Variants in ZAN observed in about 807,000 individuals in gnomAD.
ZAN encodes the protein zonadhesin (gene/pseudogene).
Under a neutral mutation model 286.2 loss-of-function variants are expected in ZAN, and 260 were observed. That is an observed-to-expected ratio of 0.91 (90% CI 0.82 to 1.01). The LOEUF (loss-of-function observed/expected upper bound fraction) is 1.01, where lower values mean the gene tolerates loss of function less well. Ranked by LOEUF, ZAN falls within the 50% of genes least tolerant of loss-of-function variation. The pLI is 0.00. For synonymous variants in ZAN, 1,368 were observed against 1,417.5 expected (o/e 0.97, Z 0.79); for missense variants, 3,410 against 3,639.2 (o/e 0.94, Z 1.62).
At chr7:100,765,123 G>C (rs901340245) in intron 22 of ZAN, among the ~76,000 whole-genome samples, 1 of 152,196 alleles carries the variant, frequency 6.6e-6, no homozygotes, top group African/African-American at 2.4e-5. Flanking sequence ...GGGTCCATCT[G>C]CTCCCACCAT....
Position 100,790,125 on chromosome 7 carries a change from G to T in ZAN, c.7357+778G>T, listed in dbSNP as rs541234103. On this transcript the variant is annotated intron_variant, in intron 39 of 47. Transcript: ENST00000613979. Reference sequence around the variant, plus strand: ...AATAAAAATAAAAAATTAGCTGGATGTGGTGGTGCACACCTGTAATCCCAG... The same window carrying T: ...AATAAAAATAAAAAATTAGCTGGATTTGGTGGTGCACACCTGTAATCCCAG... Among the ~76,000 whole-genome samples, 21 of 152,062 alleles carry T rather than the reference G, an allele frequency of 1.4e-4. No homozygotes were observed. The East Asian group carries it at 4.1e-3, about 29-fold the overall frequency.
intron 18 of ZAN, among the ~76,000 whole-genome samples, chr7:100,760,113 C>T (rs1163628167): frequency 6.6e-6 from 1 of 152,144 alleles, no homozygotes; most frequent in Non-Finnish European, 1.5e-5. Flanking sequence ...ACTCCAGAGG[C>T]TGAGGTGGGA....
At chr7:100,754,304 A>G (rs986990821) in intron 14 of ZAN, among the ~76,000 whole-genome samples, 11 of 151,570 alleles carry the variant, frequency 7.3e-5, no homozygotes, top group African/African-American at 2.7e-4. Context: ...TGAAAATACA[A>G]AAAAATTAGC....
rs1429475773 is a variant in ZAN, at chr7:100,778,279, C to T, written c.6318-1167C>T. Among the ~76,000 whole-genome samples the T allele has an allele frequency of 2.6e-5, 4 of 152,098 alleles. No homozygotes were observed. The East Asian group carries it at 7.7e-4, about 29-fold the overall frequency. ...CTATGATTGCATCACTGCACTCCAG[C>T]CTGGATGACAGAGCAAGATGCTGTC... On this transcript the variant is annotated intron_variant, in intron 34 of 47. Coordinates refer to ENST00000613979, the MANE Select transcript of ZAN (RefSeq NM_003386.3).
In ZAN at chr7:100,765,500, G is replaced by A. The variant is rs1188068920; in HGVS notation, c.4416G>A (p.Glu1472=). ...CNPGFVLSGL[E]CIPRSQCGCL... ...CGGGCTTCGTCCTCAGTGGCCTCGA[G>A]TGCATACCTCGCTCCCAGTGTGGGT... Residue 1472 remains glutamate (E), a synonymous_variant, in exon 23 of 48, where the codon GAG becomes GAA. Transcript: ENST00000613979. 6.2e-7 allele frequency: 1 copy of A among 1,612,404 alleles called. No individual in the cohort carries two copies. The highest frequency in any genetic ancestry group is 1.1e-5 in the South Asian group (1 of 90,686).
chr7:100,793,304 G>A (rs756335275), intron 42 of ZAN, among the ~76,000 whole-genome samples: 1 of 146,284 alleles, frequency 6.8e-6, no homozygotes, highest in African/African-American at 2.5e-5. Context: ...ACGCCAGCCT[G>A]GGCACTCCAG....
chr7:100,789,189 T>C lies in ZAN; in HGVS notation c.7228-29T>C, dbSNP rs749430012. The stretch of plus-strand genomic sequence containing the variant: ...GCAGCAGGTCAGGAGGATTCAGCCC[T>C]GTCTGTGGCTCCTGTCTTCCCTCTT... On this transcript the variant is annotated intron_variant, in intron 38 of 47. Transcript: ENST00000613979. The C allele has an allele frequency of 1.1e-5, 17 of 1,606,698 alleles. No individual in the cohort carries two copies. The South Asian group carries it at 1.4e-4, about 14-fold the overall frequency.
intron 31 of ZAN, 32 bp from the exon 32 acceptor site, chr7:100,775,296 G>A (rs1294402490): frequency 2.2e-5 from 36 of 1,606,298 alleles, no homozygotes; most frequent in Non-Finnish European, 2.7e-5. Context: ...CCAGAGGAGC[G>A]TCATAGCCCA....
At position 100,763,021 on chromosome 7, in the gene ZAN, G is replaced by A. The variant is rs1272264594; in HGVS notation, c.3986+663G>A. Among the ~76,000 whole-genome samples the A allele has an allele frequency of 6.7e-6, 1 of 148,350 alleles. No homozygotes were observed. The highest frequency in any genetic ancestry group is 2.5e-5 in the African/African-American group (1 of 40,040). ...GAGTCTTGCTGTGTCACCCAGGCTA[G>A]AGTGTAGTTGTGCAATCTCAGCTCA... On this transcript the variant is annotated intron_variant, in intron 20 of 47. Coordinates refer to ENST00000613979, the MANE Select transcript of ZAN (RefSeq NM_003386.3). The surrounding 1 kb of genome is among the most constrained non-coding windows in gnomAD (Gnocchi z 4.6).
chr7:100,775,797 C>T lies in ZAN; in HGVS notation c.6156C>T (p.Leu2052=). 1 of 1,613,866 alleles carries T rather than the reference C, an allele frequency of 6.2e-7. No homozygotes were observed. The highest frequency in any genetic ancestry group is 8.5e-7 in the Non-Finnish European group (1 of 1,179,894). ...GVQVKFDGNH[L]LEIEIPTTYY... ...AAGTCAAGTTTGACGGGAATCATCT[C>T]TTAGAGATTGAAATCCCCACAACCT... The change falls in exon 33 of 48, where the codon CTC becomes CTT. Residue 2052 remains leucine, a synonymous_variant. Transcript: ENST00000613979.
Position 100,768,641 on chromosome 7 carries a change from C to T in ZAN, c.5073C>T (p.Asn1691=), listed in dbSNP as rs200886020. ...GNYNNNSLDD[N]LRPDRKLAGD... ...ACAACAACAACAGCTTGGATGACAA[C>T]CTGCGCCCCGACAGAAAGCTTGCAG... The change falls in exon 27 of 48, where the codon AAC becomes AAT. Residue 1691 remains asparagine, a synonymous_variant. Transcript: ENST00000613979. 6 of 1,610,782 alleles carry T rather than the reference C, an allele frequency of 3.7e-6. No individual in the cohort carries two copies. Among genetic ancestry groups the T allele is most frequent in the Non-Finnish European group, 5.1e-6 (6 of 1,178,448 alleles).
chr7:100,784,956 C>A, intron 36 of ZAN, 122 bp downstream of exon 36: 1 of 1,156,392 alleles, frequency 8.6e-7, no homozygotes, highest in Non-Finnish European at 1.2e-6. Flanking sequence ...GGTGTGAAGG[C>A]TGGTGTGAGT....
chr7:100,776,643 T>TCCCTC (rs71126336), intron 34 of ZAN, 79 bp downstream of exon 34: 29 of 749,506 alleles, frequency 3.9e-5, no homozygotes, highest in East Asian at 2.5e-4. Context: ...TCCCTTCCCT[T>TCCCTC]CCCTCCCCTC....
chr7:100,758,285 G>A lies in ZAN; in HGVS notation c.3393G>A (p.Gln1131=). 6.2e-7 allele frequency: 1 copy of A among 1,613,376 alleles called. No homozygotes were observed. Among genetic ancestry groups the A allele is most frequent in the Non-Finnish European group, 8.5e-7 (1 of 1,179,868 alleles). ...GTCGGGTCGAGTGCCAGATCTCTCA[G>A]TGTGGGACACACACCGTGTGCCAGC... The part of the protein sequence containing the change: ...PGSRVECQIS[Q]CGTHTVCQLK... The change falls in exon 16 of 48, where the codon CAG becomes CAA. Residue 1131 remains glutamine, a synonymous_variant. Transcript: ENST00000613979.
At position 100,763,895 on chromosome 7, in the gene ZAN, T is replaced by C; in HGVS notation, c.4076T>C (p.Val1359Ala). ...MSGPGFCGRL[V>A]DTHGPFETCL... is the part of the protein sequence containing the mutation. The stretch of plus-strand genomic sequence containing the variant: ...GGGCCAGGGTTCTGTGGACGGCTGG[T>C]CGACACTCATGGCCCATTTGAGTAT... Residue 1359 changes from valine to alanine, a missense_variant, in exon 21 of 48, where the codon GTC becomes GCC. By Grantham distance (64) the Val-to-Ala change is moderately conservative (BLOSUM62 0). Around this residue, in one of 7 missense-constraint regions of ZAN, gnomAD observed 1,042 missense variants for 1,058.0 expected, o/e 0.98. Transcript: ENST00000613979. The surrounding 1 kb of genome is among the most constrained non-coding windows in gnomAD (Gnocchi z 4.6). 6.2e-7 allele frequency: 1 copy of C among 1,613,988 alleles called. No individual in the cohort carries two copies. The highest frequency in any genetic ancestry group is 8.5e-7 in the Non-Finnish European group (1 of 1,179,882).
chr7:100,772,140 C>T (rs1310095730), intron 29 of ZAN, 120 bp downstream of exon 29: 1 of 1,286,800 alleles, frequency 7.8e-7, no homozygotes, highest in Non-Finnish European at 1.0e-6. Flanking sequence ...GTTGCCCAGG[C>T]TGGAGTGCAG....
chr7:100,771,938 C>T lies in ZAN; in HGVS notation c.5343C>T (p.Ala1781=), dbSNP rs772090668. The change falls in exon 29 of 48, where the codon GCC becomes GCT. Residue 1781 remains alanine, a synonymous_variant. Coordinates refer to ENST00000613979, the MANE Select transcript of ZAN (RefSeq NM_003386.3). ...GQCGTKGDTT[A]LCRSLQAYAS... ...GTGGGACCAAGGGCGACACCACAGC[C>T]CTGTGCCGCTCCCTGCAGGCCTACG... 7 of 1,612,308 alleles carry T rather than the reference C, an allele frequency of 4.3e-6. No homozygotes were observed. The highest frequency in any genetic ancestry group is 5.1e-6 in the Non-Finnish European group (6 of 1,179,780).
intron 22 of ZAN, 151 bp from the exon 23 acceptor site, chr7:100,765,201 G>T: frequency 1.1e-6 from 1 of 903,894 alleles, no homozygotes; most frequent in Non-Finnish European, 1.7e-6. Context: ...AGCCAGCCAG[G>T]CTCCTTGGGG....
At chr7:100,769,523 CTTCCTTTCCT>C (rs1204146192) in intron 27 of ZAN, among the ~76,000 whole-genome samples, 108 of 144,956 alleles carry the variant, frequency 7.5e-4, no homozygotes, top group African/African-American at 2.4e-3. Flanking sequence ...TTTCTTCCTT[CTTCCTTTCCT>C]TTCCTTTCCT....
Sources: gnomAD v4.1 joint callset for allele counts (sites outside exome capture counted in the v4.1 genomes callset) on GRCh38, gnomAD v4.1.1 for gene constraint, gnomAD v4.1.1 regional missense constraint, Gnocchi (gnomAD v3.1) non-coding constraint, MANE v1.5 for transcripts, NCBI Gene and HGNC (gene_info 2026-07-23, HGNC 2026-07-21) for gene names.